Variants in NEO1 observed in about 807,000 individuals in gnomAD.
The protein encoded by NEO1 is neogenin.
A neutral mutation model predicts 159.7 loss-of-function variants in NEO1; 63 were observed. The observed-to-expected ratio is 0.39, with a 90% CI of 0.32 to 0.49. The LOEUF is 0.49. Ranked by LOEUF, NEO1 falls within the 20% of genes least tolerant of loss-of-function variation. The pLI is 0.85. For missense variants in NEO1, 1,615 were observed against 1,831.0 expected (o/e 0.88, Z 2.15); for synonymous variants, 633 against 662.0 (o/e 0.96, Z 0.67).
intron 7 of NEO1, among the ~76,000 whole-genome samples, chr15:73,215,824 T>C (rs1275613086): frequency 5.3e-5 from 8 of 152,224 alleles, no homozygotes; most frequent in Admixed American, 5.2e-4. Context: ...GTTCCCTTTT[T>C]CTCAATATTG....
intron 13 of NEO1, 58 bp from the exon 14 acceptor site, chr15:73,258,708 A>C: frequency 7.1e-7 from 1 of 1,410,426 alleles, no homozygotes; most frequent in Non-Finnish European, 1.0e-6. Context: ...AGGGATTATT[A>C]ATCTTTTGTT....
intron 1 of NEO1, among the ~76,000 whole-genome samples, chr15:73,066,809 A>C (rs890799856): frequency 6.6e-6 from 1 of 152,176 alleles, no homozygotes; most frequent in Non-Finnish European, 1.5e-5. Flanking sequence ...AGCTATGCTC[A>C]TCTCAGCCTC....
rs140690567 is a variant in NEO1 at position 73,171,830 on chromosome 15, C to T, written c.1016-4573C>T. Among the ~76,000 whole-genome samples, 1,465 of 151,762 alleles carry T rather than the reference C, an allele frequency of 9.7e-3. 31 individuals carry two copies. The highest frequency in any genetic ancestry group is 0.034 in the African/African-American group (1,393 of 41,354). ...CTAATTTTTGTATTTTTAATAGAGA[C>T]GGGTTTTTGCCAAGTTGGCCAGGCT... On this transcript the variant is annotated intron_variant, in intron 5 of 28. Transcript: ENST00000261908.
chr15:73,193,921 A>G (rs2036377872), intron 7 of NEO1, among the ~76,000 whole-genome samples: 1 of 152,076 alleles, frequency 6.6e-6, no homozygotes, highest in African/African-American at 2.4e-5. Context: ...ATGGGATTAT[A>G]GATTAGTCAG....
Position 73,293,373 on chromosome 15 carries a change from CT to C in NEO1, c.3743-15del. The C allele has an allele frequency of 6.2e-7, 1 of 1,613,982 alleles. No individual in the cohort carries two copies. The highest frequency in any genetic ancestry group is 8.5e-7 in the Non-Finnish European group (1 of 1,179,908). On this transcript the variant is annotated splice_polypyrimidine_tract_variant and intron_variant, in intron 25 of 28. Transcript: ENST00000261908. Reference sequence around the variant, plus strand: ...GCAAGCATGTTAAGCATTTCTCTGTCTTGTGTTCATTCACAGCTGTGATTAG... The same window carrying C: ...GCAAGCATGTTAAGCATTTCTCTGTCTGTGTTCATTCACAGCTGTGATTAG...
chr15:73,235,765 A>G (rs943273127), intron 7 of NEO1, among the ~76,000 whole-genome samples: 1 of 152,244 alleles, frequency 6.6e-6, no homozygotes, highest in African/African-American at 2.4e-5. Context: ...ATTAGACTAA[A>G]GTTGAAGATG....
In NEO1 at chr15:73,203,827, T is replaced by TA. The variant is rs533785801; in HGVS notation, c.1291+25401dup. Among the ~76,000 whole-genome samples the TA allele has an allele frequency of 4.6e-5, 7 of 152,274 alleles. No individual in the cohort carries two copies. The East Asian group carries it at 1.3e-3, about 29-fold the overall frequency. On this transcript the variant is annotated intron_variant, in intron 7 of 28. Transcript: ENST00000261908. ...ATGCTGTAGCTACCCAGTATATTGT[T>TA]ACTACTATTGCTTTAAACAAATCAT...
rs10623334 is a variant in NEO1 at position 73,257,132 on chromosome 15, C to CA, written c.2093-1613dup. Among the ~76,000 whole-genome samples the CA allele has an allele frequency of 1.3e-3, 73 of 54,768 alleles. 3 individuals are homozygous for CA. Among genetic ancestry groups the CA allele is most frequent in the East Asian group, 2.0e-3 (2 of 976 alleles). The allele number at this position is 54,768 out of a possible 152,430, so 35.9% of individuals were successfully genotyped here. On this transcript the variant is annotated intron_variant, in intron 13 of 28. Transcript: ENST00000261908. ...GGGCAACAGAGAGAGACTCTGTCTC[C>CA]AAAAAAAAAAAAAAAAAAAAAGTTT...
intron 1 of NEO1, among the ~76,000 whole-genome samples, chr15:73,102,224 G>A (rs1397165681): frequency 1.3e-5 from 2 of 152,050 alleles, no homozygotes; most frequent in Non-Finnish European, 1.5e-5. Flanking sequence ...AAATTAGCTG[G>A]GCGTGGTGGC....
intron 7 of NEO1, among the ~76,000 whole-genome samples, chr15:73,227,206 C>T (rs559202753): frequency 6.6e-6 from 1 of 152,126 alleles, no homozygotes. Context: ...CAATATAAAG[C>T]CGGGTCAGGC....
chr15:73,274,792 G>A, intron 21 of NEO1, 68 bp downstream of exon 21: 1 of 1,210,750 alleles, frequency 8.3e-7, no homozygotes, highest in Non-Finnish European at 1.1e-6. Context: ...TTTGGTTTTT[G>A]TTTCTTTTTT....
intron 7 of NEO1, among the ~76,000 whole-genome samples, chr15:73,230,210 T>G (rs1166539190): frequency 6.6e-6 from 1 of 152,226 alleles, no homozygotes; most frequent in East Asian, 1.9e-4. Context: ...TTTTACTTAC[T>G]AATTCAGTTT....
At chr15:73,146,897 A>G (rs1015936334) in intron 5 of NEO1, among the ~76,000 whole-genome samples, 3 of 152,164 alleles carry the variant, frequency 2.0e-5, no homozygotes, top group African/African-American at 4.8e-5. Flanking sequence ...ACTCAGCTGT[A>G]TTGTGATTTT....
At chr15:73,202,281 A>G (rs1429003525) in intron 7 of NEO1, among the ~76,000 whole-genome samples, 1 of 151,996 alleles carries the variant, frequency 6.6e-6, no homozygotes, top group Non-Finnish European at 1.5e-5. Flanking sequence ...CTTTTTTTGT[A>G]ACTTTTAGTC....
chr15:73,225,161 A>G (rs1028184456), intron 7 of NEO1, among the ~76,000 whole-genome samples: 2 of 152,076 alleles, frequency 1.3e-5, no homozygotes, highest in African/African-American at 4.8e-5. Flanking sequence ...TGAACCGTCT[A>G]TGGGTTTCTC....
At chr15:73,113,359 A>G (rs1238594393) in intron 1 of NEO1, among the ~76,000 whole-genome samples, 2 of 152,210 alleles carry the variant, frequency 1.3e-5, no homozygotes, top group African/African-American at 4.8e-5. Flanking sequence ...CTGGTTATGT[A>G]ATCTAAAGAT....
rs150219014 is a variant in NEO1 at position 73,288,149 on chromosome 15, C to CTTG, written c.3411-142_3411-140dup. Among the ~76,000 whole-genome samples the CTTG allele has an allele frequency of 7.0e-3, 1,070 of 151,838 alleles. 5 individuals are homozygous for CTTG. Among genetic ancestry groups the CTTG allele is most frequent in the South Asian group, 0.014 (67 of 4,804 alleles). On this transcript the variant is annotated intron_variant, in intron 23 of 28. Transcript: ENST00000261908. ...TACATTTACTCTCCCCAGGAGCAAA[C>CTTG]TTGTTGTTGTTGTTGTTGTTGTTGG...
At chr15:73,174,371 G>A (rs149905794) in intron 5 of NEO1, among the ~76,000 whole-genome samples, 1 of 152,246 alleles carries the variant, frequency 6.6e-6, no homozygotes, top group Non-Finnish European at 1.5e-5. Flanking sequence ...CACCTGCTGG[G>A]GTGCTGTGGG....
intron 1 of NEO1, among the ~76,000 whole-genome samples, chr15:73,056,974 T>C (rs534539675): frequency 4.1e-4 from 63 of 152,272 alleles, no homozygotes; most frequent in Middle Eastern, 3.4e-3. Flanking sequence ...ATAAACTGTA[T>C]GAAAATTAAT....
Sources: gnomAD v4.1 joint callset for allele counts (sites outside exome capture counted in the v4.1 genomes callset) on GRCh38, gnomAD v4.1.1 for gene constraint, MANE v1.5 for transcripts, NCBI Gene and HGNC (gene_info 2026-07-23, HGNC 2026-07-21) for gene names.